The following RAD51B variants were observed in gnomAD, a reference collection of about 807,000 sequenced individuals.
The protein encoded by RAD51B is DNA repair protein RAD51 homolog 2.
In RAD51B, 38 loss-of-function variants were observed where a neutral mutation model predicts 42.2. That is an observed-to-expected ratio of 0.90 (90% confidence interval 0.70 to 1.18). The LOEUF is 1.18. Among genes scored for constraint, RAD51B ranks in the 50% most tolerant of loss-of-function variants. The probability of loss-of-function intolerance (pLI) is 0.00; values close to 1 mark genes in which losing one functional copy is unlikely to be tolerated. For synonymous variants in RAD51B, 154 were observed against 145.2 expected, an observed-to-expected ratio of 1.06 and a Z score of -0.43; for missense variants, 373 against 400.7, an observed-to-expected ratio of 0.93 and a Z score of 0.59.
intron 10 of RAD51B, among the ~76,000 whole-genome samples, chr14:68,491,253 G>A (rs1381880508): frequency 6.6e-6 from 1 of 152,068 alleles, no homozygotes; most frequent in Non-Finnish European, 1.5e-5. Context: ...CCTCCTTTCT[G>A]TTGTGATTGA....
At chr14:67,949,025 G>A (rs1405059988) in intron 7 of RAD51B, among the ~76,000 whole-genome samples, 1 of 150,250 alleles carries the variant, frequency 6.7e-6, no homozygotes, top group African/African-American at 2.5e-5. Flanking sequence ...TGAGCCTTCA[G>A]TGAGTCATAA....
At chr14:68,120,362 A>T (rs1251814987) in intron 7 of RAD51B, among the ~76,000 whole-genome samples, 3 of 152,086 alleles carry the variant, frequency 2.0e-5, no homozygotes, top group Non-Finnish European at 4.4e-5. Context: ...TGTTGCCTTG[A>T]TGTTAATTTC....
At chr14:68,263,146 G>C (rs570617572) in intron 7 of RAD51B, among the ~76,000 whole-genome samples, 1 of 152,186 alleles carries the variant, frequency 6.6e-6, no homozygotes, top group African/African-American at 2.4e-5. Context: ...CTGATGCTCT[G>C]TGAGGGCTGA....
rs116434963 is a variant in RAD51B, at chr14:68,579,974, C to T, written c.1037-14511C>T. Among the ~76,000 whole-genome samples the T allele has an allele frequency of 3.9e-5, 6 of 152,258 alleles. No individual in the cohort carries two copies. The South Asian group carries it at 1.0e-3, about 26-fold the overall frequency. On this transcript the variant is annotated intron_variant, in intron 10 of 10. Coordinates refer to the RAD51B transcript ENST00000487270. ...CAGAAGGAGAAGGTGTGGGAGGGGG[C>T]GGTGCCCGCAAGTGGAGGTGGGGGA...
intron 10 of RAD51B, among the ~76,000 whole-genome samples, chr14:68,584,730 T>C (rs1359568062): frequency 6.6e-6 from 1 of 152,224 alleles, no homozygotes. Flanking sequence ...TCACCTGTAT[T>C]GTTTACCACC....
rs553606294 is a variant in RAD51B, at chr14:67,897,553, T to A, written c.756+10349T>A. Among the ~76,000 whole-genome samples the A allele has an allele frequency of 8.2e-4, 124 of 151,560 alleles. 1 individual carries two copies. The highest frequency in any genetic ancestry group is 2.9e-3 in the African/African-American group (120 of 41,340). Reference sequence around the variant, plus strand: ...AGGGAAATGGAAATCAAAACCACAATAAGATAACACTCACATCGCTTAATA... The same window carrying A: ...AGGGAAATGGAAATCAAAACCACAAAAAGATAACACTCACATCGCTTAATA... On this transcript the variant is annotated intron_variant, in intron 7 of 10. Transcript: ENST00000471583.
intron 8 of RAD51B, among the ~76,000 whole-genome samples, chr14:68,397,192 G>A (rs971476284): frequency 1.4e-4 from 22 of 152,254 alleles, no homozygotes; most frequent in African/African-American, 5.3e-4. Context: ...AAAGTTGGTA[G>A]TCTTGATCAC....
intron 7 of RAD51B, among the ~76,000 whole-genome samples, chr14:68,125,852 TTAGA>T (rs2077748921): frequency 6.6e-6 from 1 of 152,186 alleles, no homozygotes; most frequent in African/African-American, 2.4e-5. Context: ...GGCTCTGTTC[TTAGA>T]ACTGTAGCTC....
chr14:68,001,410 A>G (rs1446850196), intron 7 of RAD51B, among the ~76,000 whole-genome samples: 1 of 152,094 alleles, frequency 6.6e-6, no homozygotes, highest in East Asian at 1.9e-4. Context: ...TTTTTTCTTA[A>G]GTGATGAATC....
At chr14:68,012,616 G>A (rs1354849754) in intron 7 of RAD51B, among the ~76,000 whole-genome samples, 1 of 151,656 alleles carries the variant, frequency 6.6e-6, no homozygotes, top group East Asian at 1.9e-4. Context: ...TTAGTGTTAG[G>A]GTATTTTATT....
intron 7 of RAD51B, among the ~76,000 whole-genome samples, chr14:68,268,981 G>A (rs193251315): frequency 7.9e-5 from 12 of 152,210 alleles, no homozygotes; most frequent in Non-Finnish European, 1.3e-4. Context: ...CCCCTCAGGC[G>A]CCACCCTTGG....
chr14:68,310,131 C>CA (rs1372968848), intron 8 of RAD51B, among the ~76,000 whole-genome samples: 1 of 152,164 alleles, frequency 6.6e-6, no homozygotes, highest in Non-Finnish European at 1.5e-5. Context: ...GGTTTTGAAT[C>CA]AATCAGTTGT....
chr14:68,231,682 A>G (rs2080153224), intron 7 of RAD51B, among the ~76,000 whole-genome samples: 1 of 152,258 alleles, frequency 6.6e-6, no homozygotes, highest in Non-Finnish European at 1.5e-5. Context: ...TTGTATGTAT[A>G]TATGAGACAT....
At chr14:68,245,955 GA>G (rs2080488590) in intron 7 of RAD51B, among the ~76,000 whole-genome samples, 1 of 152,034 alleles carries the variant, frequency 6.6e-6, no homozygotes, top group Admixed American at 6.6e-5. Context: ...AGCTGCTCTG[GA>G]AAATGGCCAA....
rs115390943 is a variant in RAD51B, at chr14:68,546,362, A to T, written c.1037-48123A>T. 3.4e-3 allele frequency among the ~76,000 whole-genome samples: 516 copies of T among 152,282 alleles called. 6 individuals are homozygous for T. The highest frequency in any genetic ancestry group is 0.012 in the African/African-American group (503 of 41,556). ...GGAGGGTCCAGAGGTTTCCATGTGGATGTCTGAGTAGCTGGTGATATCGTT... is the reference window on the plus strand; with the variant it reads ...GGAGGGTCCAGAGGTTTCCATGTGGTTGTCTGAGTAGCTGGTGATATCGTT... On this transcript the variant is annotated intron_variant, in intron 10 of 10. Transcript: ENST00000487270.
intron 7 of RAD51B, among the ~76,000 whole-genome samples, chr14:68,154,694 C>CT (rs80143095): frequency 0.013 from 1,807 of 141,562 alleles, 17 homozygotes; most frequent in African/African-American, 0.027. Flanking sequence ...TAGAACTTTC[C>CT]TTTTTTTTTT....
At chr14:68,208,809 G>A (rs1163408497) in intron 7 of RAD51B, among the ~76,000 whole-genome samples, 1 of 152,102 alleles carries the variant, frequency 6.6e-6, no homozygotes, top group African/African-American at 2.4e-5. Flanking sequence ...ACTCATTGGG[G>A]TTATATATTA....
rs899035288 is a variant in RAD51B at position 67,901,811 on chromosome 14, A to T, written c.756+14607A>T. Among the ~76,000 whole-genome samples, 7 of 152,208 alleles carry T rather than the reference A, an allele frequency of 4.6e-5. No individual in the cohort carries two copies. In the South Asian group the frequency reaches 1.4e-3, roughly 32 times the overall value. Reference sequence around the variant, plus strand: ...CATTATCTTATGTGAAATAAGCTAGACACAAAAAGACAAATACCACATATA... The same window carrying T: ...CATTATCTTATGTGAAATAAGCTAGTCACAAAAAGACAAATACCACATATA... On this transcript the variant is annotated intron_variant, in intron 7 of 10. Coordinates refer to ENST00000471583, the MANE Select transcript of RAD51B (RefSeq NM_133510.4).
chr14:68,638,739 A>G (rs1325839216), intron 10 of RAD51B, among the ~76,000 whole-genome samples: 1 of 152,132 alleles, frequency 6.6e-6, no homozygotes, highest in Non-Finnish European at 1.5e-5. Flanking sequence ...GTGCAGCGCA[A>G]CTGATCAGTC....
Sources: gnomAD v4.1 joint callset for allele counts (sites outside exome capture counted in the v4.1 genomes callset) on GRCh38, gnomAD v4.1.1 for gene constraint, MANE v1.5 for transcripts, NCBI Gene and HGNC (gene_info 2026-07-23, HGNC 2026-07-21) for gene names.